CNNM3: variants seen among roughly 807,000 people sequenced by gnomAD.
CNNM3 encodes metal transporter CNNM3.
CNNM3 carries 47 observed loss-of-function variants against 57.1 expected under a neutral mutation model. That is an observed-to-expected ratio of 0.82 (90% confidence interval 0.65 to 1.05). The LOEUF (loss-of-function observed/expected upper bound fraction) is 1.05, where lower values mean the gene tolerates loss of function less well. CNNM3 is among the 50% of genes least tolerant of loss of function. The pLI is 0.00. For missense variants in CNNM3, 957 were observed against 973.7 expected (o/e 0.98, Z 0.23); for synonymous variants, 507 against 478.2 (o/e 1.06, Z -0.79).
At chr2:96,820,994 G>A (rs1021560503) in intron 1 of CNNM3, among the ~76,000 whole-genome samples, 1 of 152,154 alleles carries the variant, frequency 6.6e-6, no homozygotes, top group Non-Finnish European at 1.5e-5. Context: ...GGGGTTGAGT[G>A]CCTCTGCTTG....
intron 1 of CNNM3, among the ~76,000 whole-genome samples, chr2:96,821,547 C>A (rs550021019): frequency 5.5e-4 from 84 of 152,156 alleles, no homozygotes; most frequent in Non-Finnish European, 1.1e-3. Flanking sequence ...AGATGACGTG[C>A]TGATTATTTT....
intron 7 of CNNM3, chr2:96,832,286 G>A (rs897981578): frequency 1.6e-5 from 16 of 985,368 alleles, no homozygotes; most frequent in South Asian, 1.4e-4. Flanking sequence ...GTATCGTCCC[G>A]GGAAGGTGCC....
chr2:96,829,054 A>G lies in CNNM3; in HGVS notation c.1979A>G (p.Gln660Arg), dbSNP rs1212785912. Reference sequence around the variant, plus strand: ...GCTACCCGAGCCCAGAACCTGCCACAGTCCCCTGAGAACACCGACCTGCAG... The same window carrying G: ...GCTACCCGAGCCCAGAACCTGCCACGGTCCCCTGAGAACACCGACCTGCAG... ...LLATRAQNLP[Q>R]SPENTDLQVI... The change falls in exon 7 of 8, where the codon CAG becomes CGG. Residue 660 changes from glutamine (Q) to arginine (R), a missense_variant. Transcript: ENST00000305510. 2.3e-5 allele frequency: 37 copies of G among 1,613,908 alleles called. No homozygotes were observed. The highest frequency in any genetic ancestry group is 2.8e-5 in the Non-Finnish European group (33 of 1,180,010).
intron 7 of CNNM3, 40 bp from the exon 8 acceptor site, chr2:96,832,512 C>G: frequency 6.2e-7 from 1 of 1,612,498 alleles, no homozygotes; most frequent in South Asian, 1.1e-5. Context: ...GGATACTTTA[C>G]CAGCTTTGAT....
chr2:96,826,725 A>G, intron 2 of CNNM3, 108 bp from the exon 3 acceptor site: 1 of 1,341,422 alleles, frequency 7.5e-7, no homozygotes, highest in Non-Finnish European at 1.0e-6. Flanking sequence ...TGCTCCATCG[A>G]GGACCCCCTG....
rs1022885379 is a variant in CNNM3 at position 96,816,581 on chromosome 2, C to G, written c.304C>G (p.Arg102Gly). The G allele has an allele frequency of 3.1e-6, 4 of 1,270,354 alleles. No homozygotes were observed. The highest frequency in any genetic ancestry group is 3.0e-6 in the Non-Finnish European group (3 of 1,011,172). 78.7% of individuals were successfully genotyped at this position (1,270,354 alleles called of 1,614,324 possible). A position where few individuals can be genotyped will look rare whatever the true frequency, so the allele number is the denominator to read the frequency against. The change falls in exon 1 of 8, where the codon CGC becomes GGC. Residue 102 changes from arginine to glycine, a missense_variant. Arg to Gly is a moderately radical substitution (Grantham distance 125, BLOSUM62 -2). Around this residue, in one of 2 missense-constraint regions of CNNM3, gnomAD observed 466 missense variants for 403.1 expected, o/e 1.16. Transcript: ENST00000305510. ...SPAGEWRALL[R>G]LRLRAEAVRP... ...CGCGGGCGAGTGGCGCGCGCTGCTG[C>G]GCTTGCGCCTGCGGGCCGAGGCCGT...
rs893117228 is a variant in CNNM3, at chr2:96,834,610, A to G, written c.*1994A>G. Among the ~76,000 whole-genome samples the G allele has an allele frequency of 6.6e-6, 1 of 151,326 alleles. No homozygotes were observed. Among genetic ancestry groups the G allele is most frequent in the East Asian group, 1.9e-4 (1 of 5,132 alleles). On this transcript the variant is annotated 3_prime_UTR_variant, in exon 8 of 8. Transcript: ENST00000305510. Reference sequence around the variant, plus strand: ...GCGATCCTCCTGCCTCGGCCTCCCAAAGTGTTGAGATTATAGGCGTGAGCC... The same window carrying G: ...GCGATCCTCCTGCCTCGGCCTCCCAGAGTGTTGAGATTATAGGCGTGAGCC...
In CNNM3 at chr2:96,817,396, C is replaced by G. The variant is rs751590296; in HGVS notation, c.1119C>G (p.Pro373=). 6 of 1,614,160 alleles carry G rather than the reference C, an allele frequency of 3.7e-6. No individual in the cohort carries two copies. The highest frequency in any genetic ancestry group is 1.6e-4 in the Middle Eastern group (1 of 6,062). ...LYLKDLAFVD[P]EDCTPLSTIT... is the part of the protein sequence containing the mutation. ...TCAAGGACTTGGCCTTCGTGGATCCCGAAGACTGCACGCCGCTCAGCACCA... is the reference window on the plus strand; with the variant it reads ...TCAAGGACTTGGCCTTCGTGGATCCGGAAGACTGCACGCCGCTCAGCACCA... The change falls in exon 1 of 8, where the codon CCC becomes CCG. Residue 373 remains proline (P), a synonymous_variant. Coordinates refer to ENST00000305510, the MANE Select transcript of CNNM3 (RefSeq NM_017623.5).
At chr2:96,817,750 GCCC>G (rs11308098) in intron 1 of CNNM3, among the ~76,000 whole-genome samples, 3 of 139,934 alleles carry the variant, frequency 2.1e-5, no homozygotes, top group East Asian at 2.1e-4. Flanking sequence ...CGTCAGGATA[GCCC>G]CCCCCCCCCA....
In CNNM3 at chr2:96,826,840, C is replaced by A; in HGVS notation, c.1377C>A (p.Thr459=). The change falls in exon 3 of 8, where the codon ACC becomes ACA. Residue 459 remains threonine, a synonymous_variant. Coordinates refer to ENST00000305510, the MANE Select transcript of CNNM3 (RefSeq NM_017623.5). The part of the protein sequence containing the change: ...ILDESEDYRD[T]VVKRKPASLM... The stretch of plus-strand genomic sequence containing the variant: ...CCTCTTCTTCCATCTTAGGAGACAC[C>A]GTGGTGAAGAGGAAGCCTGCTTCTC... 6.2e-7 allele frequency: 1 copy of A among 1,614,162 alleles called. No homozygotes were observed. Among genetic ancestry groups the A allele is most frequent in the Non-Finnish European group, 8.5e-7 (1 of 1,180,012 alleles).
downstream of CNNM3, among the ~76,000 whole-genome samples, chr2:96,835,776 C>CAA: frequency 6.6e-6 from 1 of 152,256 alleles, no homozygotes. Context: ...CACAAACTGT[C>CAA]AAACTCATGT....
chr2:96,827,456 C>A (rs371631036), intron 3 of CNNM3, among the ~76,000 whole-genome samples: 2 of 151,886 alleles, frequency 1.3e-5, no homozygotes, highest in Admixed American at 6.6e-5. Flanking sequence ...TTAGTAGAGG[C>A]GGGGTTTTGC....
At chr2:96,831,763 G>C (rs1166459359) in intron 7 of CNNM3, among the ~76,000 whole-genome samples, 1 of 152,242 alleles carries the variant, frequency 6.6e-6, no homozygotes, top group Admixed American at 6.5e-5. Context: ...ACACTGTGCA[G>C]CCCTCCATGC....
intron 4 of CNNM3, 50 bp from the exon 5 acceptor site, chr2:96,828,049 G>T: frequency 6.3e-7 from 1 of 1,590,030 alleles, no homozygotes; most frequent in Non-Finnish European, 8.6e-7. Flanking sequence ...GTCTTCTGAC[G>T]GGAAAGGTAA....
chr2:96,837,141 G>C (rs1039664478), downstream of CNNM3: 1 of 152,170 alleles, frequency 6.6e-6, no homozygotes, highest in African/African-American at 2.4e-5. Flanking sequence ...CTTGAAATCA[G>C]CTGGACTGAT....
downstream of CNNM3, among the ~76,000 whole-genome samples, chr2:96,836,221 T>TATCA (rs1447740019): frequency 1.3e-5 from 2 of 150,712 alleles, no homozygotes; most frequent in Admixed American, 6.6e-5. Flanking sequence ...TAGATGGGAC[T>TATCA]ATCACCACAC....
chr2:96,827,109 G>A (rs2079521103), intron 3 of CNNM3, 127 bp downstream of exon 3: 4 of 1,013,064 alleles, frequency 3.9e-6, no homozygotes, highest in Non-Finnish European at 5.7e-6. Context: ...GGACTTCTGT[G>A]TTCTCTGCAG....
Position 96,834,274 on chromosome 2 carries a change from C to T in CNNM3, c.*1658C>T, listed in dbSNP as rs1433349012. 6.6e-6 allele frequency among the ~76,000 whole-genome samples: 1 copy of T among 151,964 alleles called. No homozygotes were observed. Among genetic ancestry groups the T allele is most frequent in the African/African-American group, 2.4e-5 (1 of 41,358 alleles). The stretch of plus-strand genomic sequence containing the variant: ...GCAAATTAAAAATACGTGGACCTGC[C>T]ACCAGAGCTTGTGATTTAATCAGAG... On this transcript the variant is annotated 3_prime_UTR_variant, in exon 8 of 8. Transcript: ENST00000305510.
At position 96,828,841 on chromosome 2, in the gene CNNM3, C is replaced by T; in HGVS notation, c.1920+141C>T. On this transcript the variant is annotated intron_variant, in intron 6 of 7. Coordinates refer to ENST00000305510, the MANE Select transcript of CNNM3 (RefSeq NM_017623.5). ...CAGACCTTTGCACCCAGTTTCCAAG[C>T]AAGGTCTTAAAAACACTTGACTCAG... 10 of 1,474,680 alleles carry T rather than the reference C, an allele frequency of 6.8e-6. No homozygotes were observed. In the South Asian group the frequency reaches 1.1e-4, roughly 17 times the overall value. 91.3% of individuals were successfully genotyped at this position (1,474,680 alleles called of 1,614,324 possible).
Sources: allele counts gnomAD v4.1 joint callset (sites outside exome capture counted in the v4.1 genomes callset), GRCh38; gene constraint gnomAD v4.1.1; regional missense constraint gnomAD v4.1.1; transcripts MANE v1.5; gene names NCBI Gene and HGNC (gene_info 2026-07-23, HGNC 2026-07-21).